OR51B5: variants seen among roughly 807,000 people sequenced by gnomAD.
OR51B5 encodes olfactory receptor family 51 subfamily B member 5, also known as olfactory receptor 51B5.
For missense variants in OR51B5, 456 were observed against 374.6 expected (o/e 1.22, Z -1.79); for synonymous variants, 186 against 144.8 (o/e 1.28, Z -2.04).
chr11:5,451,290 G>C (rs1156234626), intron 1 of OR51B5, among the ~76,000 whole-genome samples: 4 of 152,206 alleles, frequency 2.6e-5, no homozygotes, highest in African/African-American at 7.2e-5. Flanking sequence ...CTTTGGCCTT[G>C]CCCTGAACAA....
intron 1 of OR51B5, among the ~76,000 whole-genome samples, chr11:5,447,686 A>G (rs1298209577): frequency 6.6e-6 from 1 of 152,108 alleles, no homozygotes; most frequent in Non-Finnish European, 1.5e-5. Context: ...ATCTACAAAT[A>G]TGGGGCATTA....
At chr11:5,478,421 C>A (rs1257623501) in intron 1 of OR51B5, among the ~76,000 whole-genome samples, 1 of 151,800 alleles carries the variant, frequency 6.6e-6, no homozygotes, top group Non-Finnish European at 1.5e-5. Context: ...AAAAACAGAA[C>A]AGAAAAACTG....
chr11:5,429,021 T>C (rs1850491909), intron 1 of OR51B5, among the ~76,000 whole-genome samples: 1 of 152,102 alleles, frequency 6.6e-6, no homozygotes, highest in South Asian at 2.1e-4. Context: ...TTAAGATTGG[T>C]GTTTTGAGAT....
upstream of OR51B5, among the ~76,000 whole-genome samples, chr11:5,344,869 A>T (rs1848965931): frequency 6.6e-6 from 1 of 152,180 alleles, no homozygotes; most frequent in Non-Finnish European, 1.5e-5. Context: ...CTTGATGTAG[A>T]TTAATTGGAT....
At chr11:5,434,945 C>T (rs148572121) in intron 1 of OR51B5, among the ~76,000 whole-genome samples, 1,616 of 152,152 alleles carry the variant, frequency 0.011, 29 homozygotes, top group African/African-American at 0.035. Flanking sequence ...CTGGAGAAGT[C>T]GGTTATCTTT....
At chr11:5,406,691 A>T (rs552642313) in intron 1 of OR51B5, among the ~76,000 whole-genome samples, 1 of 152,268 alleles carries the variant, frequency 6.6e-6, no homozygotes, top group South Asian at 2.1e-4. Flanking sequence ...GAACAATTAG[A>T]AAAGATATAG....
intron 1 of OR51B5, chr11:5,423,134 A>G (rs1313808297): frequency 6.3e-7 from 1 of 1,597,954 alleles, no homozygotes; most frequent in Admixed American, 1.7e-5. Flanking sequence ...CCTTTCCCTC[A>G]AAAATATGCA....
At chr11:5,398,967 G>A (rs750824284) in intron 1 of OR51B5, among the ~76,000 whole-genome samples, 3 of 152,188 alleles carry the variant, frequency 2.0e-5, no homozygotes, top group Non-Finnish European at 4.4e-5. Context: ...GCCTTCTGAA[G>A]CAGCATTCAG....
intron 1 of OR51B5, among the ~76,000 whole-genome samples, chr11:5,487,018 A>C (rs534303416): frequency 1.3e-5 from 2 of 152,314 alleles, no homozygotes; most frequent in South Asian, 4.1e-4. Context: ...TAGACAAAAA[A>C]GATATTAGCC....
chr11:5,385,201 C>T (rs898166199), intron 1 of OR51B5, among the ~76,000 whole-genome samples: 1 of 152,108 alleles, frequency 6.6e-6, no homozygotes, highest in African/African-American at 2.4e-5. Flanking sequence ...GTGGACTCCT[C>T]CATTGCTTAG....
intron 1 of OR51B5, chr11:5,430,712 TCTTAACA>T (rs1850520990): frequency 2.2e-6 from 1 of 456,676 alleles, no homozygotes; most frequent in African/African-American, 2.0e-5. Context: ...ATTGTCTGGG[TCTTAACA>T]CTATAGATGA....
intron 1 of OR51B5, among the ~76,000 whole-genome samples, chr11:5,360,461 G>A (rs984061252): frequency 4.6e-5 from 7 of 151,036 alleles, no homozygotes; most frequent in African/African-American, 1.7e-4. Context: ...ACACCAGTTA[G>A]AATGGCGATC....
chr11:5,374,037 TCCCTGAC>T (rs1197920570), intron 1 of OR51B5, among the ~76,000 whole-genome samples: 2 of 152,072 alleles, frequency 1.3e-5, no homozygotes, highest in Admixed American at 6.5e-5. Flanking sequence ...CTCAAGTGGG[TCCCTGAC>T]CCCTGACCCC....
chr11:5,424,873 T>G lies in OR51B5; in HGVS notation n.85-77963A>C, dbSNP rs1304036113. On this transcript the variant is annotated intron_variant and non_coding_transcript_variant, in intron 1 of 4. Transcript: ENST00000415970. ...GGCGGGCGCCTATAGTCCCAGCTAC[T>G]CAGGAGGCTGAGGCAGGAGAATGGC... 5.9e-5 allele frequency among the ~76,000 whole-genome samples: 6 copies of G among 101,704 alleles called. 2 individuals are homozygous for G. The highest frequency in any genetic ancestry group is 9.0e-5 in the Non-Finnish European group (4 of 44,444). The allele number at this position is 101,704 out of a possible 152,430, so 66.7% of individuals were successfully genotyped here.
chr11:5,430,756 A>T (rs1371562072), intron 1 of OR51B5: 1 of 457,162 alleles, frequency 2.2e-6, no homozygotes, highest in Admixed American at 2.3e-5. Flanking sequence ...TGGCACCAAA[A>T]GGCAGATGCT....
chr11:5,449,825 G>A (rs756709792), intron 1 of OR51B5, among the ~76,000 whole-genome samples: 50 of 152,090 alleles, frequency 3.3e-4, no homozygotes, highest in Non-Finnish European at 4.7e-4. Flanking sequence ...AACAAAATAC[G>A]TAAAAATCTC....
At chr11:5,341,979 T>A (rs1446079845), downstream of OR51B5, among the ~76,000 whole-genome samples, 1 of 152,204 alleles carries the variant, frequency 6.6e-6, no homozygotes, top group Non-Finnish European at 1.5e-5. Context: ...AATATGAGTT[T>A]ATGGTTTTTG....
chr11:5,416,271 G>A (rs376863887), intron 1 of OR51B5, among the ~76,000 whole-genome samples: 5,398 of 136,242 alleles, frequency 0.04, 75 homozygotes, highest in Middle Eastern at 0.049. Context: ...TTGATGGGAC[G>A]TATCTCAAAA....
chr11:5,356,350 T>C (rs192445059), intron 1 of OR51B5, among the ~76,000 whole-genome samples: 1 of 151,998 alleles, frequency 6.6e-6, no homozygotes, highest in East Asian at 1.9e-4. Flanking sequence ...AGTAGCTGAT[T>C]CGATCAACTG....
Sources: allele counts gnomAD v4.1 joint callset (sites outside exome capture counted in the v4.1 genomes callset), GRCh38; gene constraint gnomAD v4.1.1; transcripts MANE v1.5; gene names NCBI Gene and HGNC (gene_info 2026-07-23, HGNC 2026-07-21).